Variants in SCGB2B2 observed in about 807,000 individuals in gnomAD.
SCGB2B2 encodes the protein secretoglobin family 2B member 2, also known as secretoglobin-like protein.
In SCGB2B2, 11 loss-of-function variants were observed where a neutral mutation model predicts 7.6. The ratio of observed to expected loss-of-function variants is 1.45; its 90% CI spans 0.91 to 2.40. The LOEUF (loss-of-function observed/expected upper bound fraction) is 2.40, where lower values mean the gene tolerates loss of function less well. SCGB2B2 is among the 30% of genes most tolerant of loss of function. SCGB2B2 has a pLI of 0.00. For missense variants in SCGB2B2, 104 were observed against 115.4 expected, an observed-to-expected ratio of 0.90 and a Z score of 0.45; for synonymous variants, 50 against 48.6, an observed-to-expected ratio of 1.03 and a Z score of -0.12.
At chr19:34,601,555 A>T (rs1480225802) in intron 1 of SCGB2B2, among the ~76,000 whole-genome samples, 1 of 151,596 alleles carries the variant, frequency 6.6e-6, no homozygotes, top group Non-Finnish European at 1.5e-5. Flanking sequence ...TGAATGTATT[A>T]ATTTATTTAT....
In SCGB2B2 at chr19:34,612,022, C is replaced by CTTTT. The variant is rs753968261; in HGVS notation, c.-2031-15432_-2031-15429dup. 2.6e-4 allele frequency among the ~76,000 whole-genome samples: 11 copies of CTTTT among 41,774 alleles called. 1 individual carries two copies. Among genetic ancestry groups the CTTTT allele is most frequent in the Non-Finnish European group, 4.4e-4 (11 of 24,978 alleles). 27.4% of individuals were successfully genotyped at this position (41,774 alleles called of 152,430 possible). On this transcript the variant is annotated intron_variant, in intron 1 of 3. Transcript: ENST00000601241. The stretch of plus-strand genomic sequence containing the variant: ...TCATATATTTGTGTTTTAGAAAATT[C>CTTTT]TTTTTTTTTTTTTTTTTTTTTTTTT...
intron 1 of SCGB2B2, among the ~76,000 whole-genome samples, chr19:34,666,193 G>A (rs1332367763): frequency 6.6e-6 from 1 of 152,008 alleles, no homozygotes; most frequent in Admixed American, 6.5e-5. Flanking sequence ...CCCCACACCA[G>A]GCTTTCTCAA....
intron 1 of SCGB2B2, among the ~76,000 whole-genome samples, chr19:34,654,060 T>C (rs767367870): frequency 6.6e-6 from 1 of 151,234 alleles, no homozygotes; most frequent in Non-Finnish European, 1.5e-5. Context: ...GGTTGTGAGA[T>C]GTGTTCATTA....
chr19:34,643,433 G>A (rs1046708273), intron 1 of SCGB2B2, among the ~76,000 whole-genome samples: 1 of 152,156 alleles, frequency 6.6e-6, no homozygotes, highest in African/African-American at 2.4e-5. Context: ...TGGGTGGGGG[G>A]AGATGAAGAG....
At chr19:34,589,964 G>T (rs550119889), downstream of SCGB2B2, among the ~76,000 whole-genome samples, 2 of 152,256 alleles carry the variant, frequency 1.3e-5, no homozygotes, top group South Asian at 4.1e-4. Context: ...GGAGGCAGCT[G>T]CCATAATCCA....
intron 1 of SCGB2B2, chr19:34,635,446 C>A: frequency 3.4e-6 from 1 of 297,936 alleles, no homozygotes. Context: ...GGCCTCTCTC[C>A]AGCGTGAACT....
chr19:34,671,069 C>A (rs973005426), intron 1 of SCGB2B2, among the ~76,000 whole-genome samples: 1 of 152,156 alleles, frequency 6.6e-6, no homozygotes, highest in Non-Finnish European at 1.5e-5. Flanking sequence ...ATTACAGGCA[C>A]CACCCCTGGC....
intron 1 of SCGB2B2, among the ~76,000 whole-genome samples, chr19:34,669,676 G>A (rs562997744): frequency 9.0e-5 from 6 of 66,986 alleles, no homozygotes; most frequent in Non-Finnish European, 1.6e-4. Context: ...CATGGCCCAG[G>A]GCCGTGGGTC....
intron 1 of SCGB2B2, among the ~76,000 whole-genome samples, chr19:34,607,678 T>G (rs1299654391): frequency 6.6e-6 from 1 of 152,246 alleles, no homozygotes; most frequent in Non-Finnish European, 1.5e-5. Flanking sequence ...TGGTTTTGAT[T>G]GCCATTTCCC....
intron 1 of SCGB2B2, among the ~76,000 whole-genome samples, chr19:34,644,465 C>A (rs2066937730): frequency 6.6e-6 from 1 of 150,734 alleles, no homozygotes; most frequent in South Asian, 2.1e-4. Flanking sequence ...CAATGTTGTG[C>A]CACCATCACC....
chr19:34,669,817 A>C lies in SCGB2B2; in HGVS notation c.-2032+5813T>G, dbSNP rs568100124. Among the ~76,000 whole-genome samples, 11 of 151,518 alleles carry C rather than the reference A, an allele frequency of 7.3e-5. No individual in the cohort carries two copies. The South Asian group carries it at 2.3e-3, about 32-fold the overall frequency. ...CACAGAGAGGCCAATGCGATGGAAA[A>C]CATTATTATTTACATTTCCCGGGGC... On this transcript the variant is annotated intron_variant, in intron 1 of 3. Coordinates refer to ENST00000601241, the MANE Select transcript of SCGB2B2 (RefSeq NM_001025591.4).
chr19:34,633,681 TATC>T (rs1306890601), intron 1 of SCGB2B2, among the ~76,000 whole-genome samples: 1 of 152,136 alleles, frequency 6.6e-6, no homozygotes, highest in East Asian at 1.9e-4. Flanking sequence ...ATCTGCTCAT[TATC>T]ATGATTATGG....
Position 34,599,315 on chromosome 19 carries a change from G to A in SCGB2B2, c.-2031-2721C>T, listed in dbSNP as rs955322716. On this transcript the variant is annotated intron_variant, in intron 1 of 3. Coordinates refer to ENST00000601241, the MANE Select transcript of SCGB2B2 (RefSeq NM_001025591.4). ...CAGGCAGGTCACATGGGTGCAGCTC[G>A]CCCTTTCTCCTTCTCCCCATCTGTA... is the stretch of plus-strand genomic sequence containing the variant. Among the ~76,000 whole-genome samples, 8 of 152,344 alleles carry A rather than the reference G, an allele frequency of 5.3e-5. No homozygotes were observed. The South Asian group carries it at 6.2e-4, about 12-fold the overall frequency.
chr19:34,663,085 G>A (rs904918986), intron 1 of SCGB2B2, among the ~76,000 whole-genome samples: 3 of 152,198 alleles, frequency 2.0e-5, no homozygotes, highest in East Asian at 1.9e-4. Flanking sequence ...ATGAGATGCC[G>A]ACGCCCCTGA....
intron 1 of SCGB2B2, among the ~76,000 whole-genome samples, chr19:34,632,223 T>G (rs1390530825): frequency 1.3e-5 from 2 of 152,196 alleles, no homozygotes; most frequent in African/African-American, 4.8e-5. Flanking sequence ...TTCTGAGATA[T>G]GTACCAAAAA....
At chr19:34,615,683 G>A (rs1225645655) in intron 1 of SCGB2B2, among the ~76,000 whole-genome samples, 7 of 151,936 alleles carry the variant, frequency 4.6e-5, no homozygotes, top group African/African-American at 1.7e-4. Context: ...TCATGGTAAT[G>A]GTGGCTTCAT....
intron 1 of SCGB2B2, among the ~76,000 whole-genome samples, chr19:34,604,418 C>G (rs893936691): frequency 5.9e-5 from 9 of 152,182 alleles, no homozygotes; most frequent in African/African-American, 1.9e-4. Flanking sequence ...TGAGCCCAAC[C>G]TACAGGAGTG....
At chr19:34,654,853 C>T (rs997687424) in intron 1 of SCGB2B2, among the ~76,000 whole-genome samples, 2 of 151,220 alleles carry the variant, frequency 1.3e-5, no homozygotes, top group East Asian at 1.9e-4. Flanking sequence ...AACTCTGTTT[C>T]CCCCATGGCA....
intron 1 of SCGB2B2, among the ~76,000 whole-genome samples, chr19:34,597,756 G>A (rs2065501303): frequency 6.6e-6 from 1 of 152,220 alleles, no homozygotes; most frequent in Admixed American, 6.5e-5. Flanking sequence ...TGCCCTGTGA[G>A]CAGCAGCAGA....
Sources: allele counts gnomAD v4.1 joint callset (sites outside exome capture counted in the v4.1 genomes callset), GRCh38; gene constraint gnomAD v4.1.1; transcripts MANE v1.5; gene names NCBI Gene and HGNC (gene_info 2026-07-23, HGNC 2026-07-21).